The following CNTFR variants were observed in gnomAD, a reference collection of about 807,000 sequenced individuals.
CNTFR encodes ciliary neurotrophic factor receptor, also known as ciliary neurotrophic factor receptor subunit alpha.
In CNTFR, 12 loss-of-function variants were observed where a neutral mutation model predicts 40.4. The observed-to-expected ratio is 0.30, with a 90% CI of 0.19 to 0.48. The LOEUF (loss-of-function observed/expected upper bound fraction) is 0.48. Among genes scored for constraint, CNTFR ranks in the 20% least tolerant of loss-of-function variants. The pLI is 0.99. For missense variants in CNTFR, 414 were observed against 506.8 expected, an observed-to-expected ratio of 0.82 and a Z score of 1.76; for synonymous variants, 202 against 209.6, an observed-to-expected ratio of 0.96 and a Z score of 0.31.
chr9:34,583,332 T>C (rs1012964645), intron 1 of CNTFR, among the ~76,000 whole-genome samples: 2 of 152,230 alleles, frequency 1.3e-5, no homozygotes, highest in African/African-American at 2.4e-5. Context: ...CTGTGACCCC[T>C]AATATGGCCT....
At chr9:34,587,774 T>A (rs1827605149) in intron 1 of CNTFR, among the ~76,000 whole-genome samples, 1 of 152,064 alleles carries the variant, frequency 6.6e-6, no homozygotes, top group African/African-American at 2.4e-5. Flanking sequence ...GTGTGAGCCC[T>A]AGGACCCCAG....
intron 1 of CNTFR, among the ~76,000 whole-genome samples, chr9:34,586,667 A>T (rs1429522274): frequency 6.6e-6 from 1 of 152,156 alleles, no homozygotes; most frequent in Non-Finnish European, 1.5e-5. Context: ...GGAGAAATCT[A>T]AAGGTTCACA....
intron 2 of CNTFR, among the ~76,000 whole-genome samples, chr9:34,572,533 C>T (rs562045392): frequency 5.7e-4 from 87 of 152,286 alleles, no homozygotes; most frequent in Admixed American, 4.6e-3. Flanking sequence ...AGGAGCCTAG[C>T]GCCCAAAAGC....
Position 34,551,574 on chromosome 9 carries a change from A to G in CNTFR, c.*497T>C. ...GCATTAAATACTGTGGGATAGGAGCAGGGTCAGGGGAGGGGTATACAAAAC... is the reference window on the plus strand; with the variant it reads ...GCATTAAATACTGTGGGATAGGAGCGGGGTCAGGGGAGGGGTATACAAAAC... On this transcript the variant is annotated 3_prime_UTR_variant, in exon 10 of 10. Transcript: ENST00000378980. 1 of 247,042 alleles carries G rather than the reference A, an allele frequency of 4.0e-6. No homozygotes were observed. The highest frequency in any genetic ancestry group is 8.0e-6 in the Non-Finnish European group (1 of 125,780). 15.3% of individuals were successfully genotyped at this position (247,042 alleles called of 1,614,324 possible). A position where few individuals can be genotyped will look rare whatever the true frequency, so the allele number is the denominator to read the frequency against.
chr9:34,564,895 C>A, intron 3 of CNTFR, 63 bp from the exon 4 acceptor site: 1 of 1,438,614 alleles, frequency 7.0e-7, no homozygotes, highest in South Asian at 1.2e-5. Flanking sequence ...CACCCGCAGG[C>A]GAGCGTGCTC....
intron 4 of CNTFR, among the ~76,000 whole-genome samples, chr9:34,560,829 G>C (rs1826040479): frequency 6.6e-6 from 1 of 152,238 alleles, no homozygotes; most frequent in Non-Finnish European, 1.5e-5. Flanking sequence ...ATGTGTGCGT[G>C]TGCCCCCACT....
At chr9:34,558,984 AC>A (rs1391470159) in intron 4 of CNTFR, among the ~76,000 whole-genome samples, 1 of 152,166 alleles carries the variant, frequency 6.6e-6, no homozygotes, top group Non-Finnish European at 1.5e-5. Flanking sequence ...AGGCGTGAGG[AC>A]AGGCGGCTCA....
At chr9:34,567,322 C>T (rs1239081172) in intron 3 of CNTFR, among the ~76,000 whole-genome samples, 1 of 152,092 alleles carries the variant, frequency 6.6e-6, no homozygotes, top group Non-Finnish European at 1.5e-5. Context: ...CTGACGGCTC[C>T]CTCACACCTG....
At chr9:34,575,811 C>T (rs940918273) in intron 2 of CNTFR, among the ~76,000 whole-genome samples, 1 of 152,068 alleles carries the variant, frequency 6.6e-6, no homozygotes, top group African/African-American at 2.4e-5. Context: ...AAAGAAGCTT[C>T]AAATGTCTTC....
At chr9:34,578,864 A>T (rs1827132083) in intron 2 of CNTFR, among the ~76,000 whole-genome samples, 1 of 152,192 alleles carries the variant, frequency 6.6e-6, no homozygotes. Flanking sequence ...TCTGGGAATG[A>T]CAGTGCAATG....
rs377591112 is a variant in CNTFR at position 34,556,321 on chromosome 9, G to A, written c.702C>T (p.Asp234=). 2 of 1,613,826 alleles carry A rather than the reference G, an allele frequency of 1.2e-6. No homozygotes were observed. Among genetic ancestry groups the A allele is most frequent in the Non-Finnish European group, 1.7e-6 (2 of 1,179,988 alleles). ...AGAACTTGAGAGGAAAAGACTCAGG[G>A]TCAGGCCAGGTCGAGGGGGTCTGCC... ...VTWQTPSTWP[D]PESFPLKFFL... is the part of the protein sequence containing the mutation. Residue 234 remains aspartate, a synonymous_variant, in exon 7 of 10, where the codon GAC becomes GAT. Coordinates refer to ENST00000378980, the MANE Select transcript of CNTFR (RefSeq NM_147164.3).
chr9:34,552,591 C>A lies in CNTFR; in HGVS notation c.949+83G>T. ...TACCCCCGGGAGCAGAGGCTGGAGG[C>A]AGCAGGGTAGAACCAGGCCACAGGT... On this transcript the variant is annotated intron_variant, in intron 8 of 9. Coordinates refer to ENST00000378980, the MANE Select transcript of CNTFR (RefSeq NM_147164.3). The surrounding 1 kb of genome is among the most constrained non-coding windows in gnomAD (Gnocchi z 5.1). The A allele has an allele frequency of 7.1e-7, 1 of 1,410,584 alleles. No homozygotes were observed. Among genetic ancestry groups the A allele is most frequent in the South Asian group, 1.3e-5 (1 of 74,862 alleles). The allele number at this position is 1,410,584 out of a possible 1,614,324, so 87.4% of individuals were successfully genotyped here. A position where few individuals can be genotyped will look rare whatever the true frequency, so the allele number is the denominator to read the frequency against.
Position 34,579,891 on chromosome 9 carries a change from G to C in CNTFR, c.-1+1204C>G, listed in dbSNP as rs572395481. ...CTCCCTCTCTGGCCTCCTCCTCCTTGGCCCCCACAGAAGCTGCCTCAGCCT... is the reference window on the plus strand; with the variant it reads ...CTCCCTCTCTGGCCTCCTCCTCCTTCGCCCCCACAGAAGCTGCCTCAGCCT... On this transcript the variant is annotated intron_variant, in intron 2 of 9. Coordinates refer to ENST00000378980, the MANE Select transcript of CNTFR (RefSeq NM_147164.3). 9.2e-5 allele frequency among the ~76,000 whole-genome samples: 14 copies of C among 152,094 alleles called. 1 individual carries two copies. The highest frequency in any genetic ancestry group is 2.6e-4 in the Admixed American group (4 of 15,280).
In CNTFR at chr9:34,589,144, C is replaced by A. The variant is rs944512330; in HGVS notation, c.-112+411G>T. ...GCAACCGTCGGTTCGCATCCCCGGG[C>A]GCTTTGAAGTCCAGATTTCTGCCCG... On this transcript the variant is annotated intron_variant, in intron 1 of 9. Transcript: ENST00000378980. The surrounding 1 kb of genome is among the most constrained non-coding windows in gnomAD (Gnocchi z 4.4). Among the ~76,000 whole-genome samples the A allele has an allele frequency of 6.6e-6, 1 of 152,072 alleles. No homozygotes were observed. Among genetic ancestry groups the A allele is most frequent in the African/African-American group, 2.4e-5 (1 of 41,412 alleles).
intron 2 of CNTFR, among the ~76,000 whole-genome samples, chr9:34,571,601 C>CG (rs1019037957): frequency 1.3e-5 from 2 of 151,440 alleles, no homozygotes; most frequent in Non-Finnish European, 3.0e-5. Context: ...CAGGCCCCCG[C>CG]GGGGGGAGGG....
chr9:34,557,707 G>C lies in CNTFR; in HGVS notation c.438-15C>G. The C allele has an allele frequency of 1.2e-6, 2 of 1,613,980 alleles. No homozygotes were observed. Among genetic ancestry groups the C allele is most frequent in the Non-Finnish European group, 1.7e-6 (2 of 1,179,876 alleles). ...TGGAGCCATGCCTGGGGAGAGGTGA[G>C]ACCCAGGCACTGTTACGAACATCAA... On this transcript the variant is annotated splice_polypyrimidine_tract_variant and intron_variant, in intron 5 of 9. Coordinates refer to ENST00000378980, the MANE Select transcript of CNTFR (RefSeq NM_147164.3). This position sits in a 1 kb window ranked among gnomAD's most constrained non-coding sequence, Gnocchi z 4.2.
At position 34,589,100 on chromosome 9, in the gene CNTFR, C is replaced by G. The variant is rs765695955; in HGVS notation, c.-112+455G>C. Among the ~76,000 whole-genome samples the G allele has an allele frequency of 6.6e-6, 1 of 152,138 alleles. No individual in the cohort carries two copies. The highest frequency in any genetic ancestry group is 1.5e-5 in the Non-Finnish European group (1 of 68,018). The stretch of plus-strand genomic sequence containing the variant: ...GCGGGCGCGCGGATTCACACGGACA[C>G]ACATGCACTGGCAGACGCGCAACCG... On this transcript the variant is annotated intron_variant, in intron 1 of 9. Transcript: ENST00000378980. This position sits in a 1 kb window ranked among gnomAD's most constrained non-coding sequence, Gnocchi z 4.4.
At chr9:34,570,954 TCCTC>T (rs1210299727) in intron 2 of CNTFR, among the ~76,000 whole-genome samples, 2 of 152,064 alleles carry the variant, frequency 1.3e-5, no homozygotes, top group Non-Finnish European at 2.9e-5. Context: ...GCTTTTCCTT[TCCTC>T]CCTGTCACAG....
intron 1 of CNTFR, among the ~76,000 whole-genome samples, chr9:34,583,798 C>T (rs938728607): frequency 1.2e-4 from 18 of 152,128 alleles, no homozygotes; most frequent in Non-Finnish European, 1.9e-4. Flanking sequence ...GCCTTCTCTC[C>T]GGGCCTGGGC....
Sources: allele counts gnomAD v4.1 joint callset (sites outside exome capture counted in the v4.1 genomes callset), GRCh38; gene constraint gnomAD v4.1.1; non-coding constraint Gnocchi (gnomAD v3.1); transcripts MANE v1.5; gene names NCBI Gene and HGNC (gene_info 2026-07-23, HGNC 2026-07-21).